SLC25A53: variants seen among roughly 807,000 people sequenced by gnomAD.
SLC25A53 encodes mitochondrial carrier triple repeat protein 6.
A neutral mutation model predicts 15.0 loss-of-function variants in SLC25A53; 5 were observed. The ratio of observed to expected loss-of-function variants is 0.33; its 90% CI spans 0.17 to 0.70. The LOEUF (loss-of-function observed/expected upper bound fraction) is 0.70. Ranked by LOEUF, SLC25A53 falls within the 30% of genes least tolerant of loss-of-function variation. The probability of loss-of-function intolerance (pLI) is 0.67; values close to 1 mark genes in which losing one functional copy is unlikely to be tolerated. For missense variants in SLC25A53, 216 were observed against 241.6 expected (o/e 0.89, Z 0.70); for synonymous variants, 95 against 100.0 (o/e 0.95, Z 0.30).
chrX:104,106,058 G>A (rs7890232), intron 1 of SLC25A53, among the ~76,000 whole-genome samples: 5,254 of 111,516 alleles, frequency 0.047, 266 homozygotes, highest in African/African-American at 0.16. Flanking sequence ...CCCTGGCTTC[G>A]GCTCACTGCG....
At chrX:104,106,863 A>C (rs1602483612) in intron 1 of SLC25A53, among the ~76,000 whole-genome samples, 3 of 82,950 alleles carry the variant, frequency 3.6e-5, no homozygotes, top group South Asian at 1.2e-3. Context: ...TCCTATCCCC[A>C]CTGCTCCATC....
At chrX:104,155,503 G>A (rs1556371211) in intron 1 of SLC25A53, among the ~76,000 whole-genome samples, 2 of 111,631 alleles carry the variant, frequency 1.8e-5, no homozygotes, top group Non-Finnish European at 3.8e-5. Flanking sequence ...CACTGACTTA[G>A]ACTGCTATAC....
Position 104,103,143 on chromosome X carries a change from A to T in SLC25A53, c.*1191T>A, listed in dbSNP as rs1220342009. The stretch of plus-strand genomic sequence containing the variant: ...ACAAGAGCGAAACTCCGTCTCAAAA[A>T]AAAAAAAAAGAAAGGGGCATCACAG... On this transcript the variant is annotated 3_prime_UTR_variant, in exon 2 of 2. Coordinates refer to ENST00000594199, the MANE Select transcript of SLC25A53 (RefSeq NM_001012755.5). 2 of 110,807 alleles carry T rather than the reference A, an allele frequency of 1.8e-5. No homozygotes were observed. The highest frequency in any genetic ancestry group is 1.9e-5 in the Non-Finnish European group (1 of 53,217). The allele number at this position is 110,807 out of a possible 1,213,427, so 9.1% of individuals were successfully genotyped here.
At chrX:104,144,391 G>A (rs1343805198) in intron 1 of SLC25A53, among the ~76,000 whole-genome samples, 1 of 111,596 alleles carries the variant, frequency 9.0e-6, no homozygotes, top group East Asian at 2.8e-4. Flanking sequence ...TCAAAATAAA[G>A]GGATGGAGGA....
chrX:104,129,779 G>T (rs2075420432), intron 1 of SLC25A53, among the ~76,000 whole-genome samples: 1 of 104,388 alleles, frequency 9.6e-6, no homozygotes, highest in South Asian at 4.2e-4. Flanking sequence ...ATATATATAA[G>T]AATCAACTAT....
At chrX:104,111,434 A>C (rs1200301307) in intron 1 of SLC25A53, among the ~76,000 whole-genome samples, 2 of 111,265 alleles carry the variant, frequency 1.8e-5, no homozygotes, top group Non-Finnish European at 3.8e-5. Flanking sequence ...TGGGGTCACA[A>C]AGGGCTGTCG....
chrX:104,121,045 A>T (rs1488072610), intron 1 of SLC25A53, among the ~76,000 whole-genome samples: 1 of 112,396 alleles, frequency 8.9e-6, no homozygotes, highest in Non-Finnish European at 1.9e-5. Flanking sequence ...ATTGTTATAT[A>T]TTGCTGGATT....
Position 104,153,763 on chromosome X carries a change from G to C in SLC25A53, c.-32+3115C>G, listed in dbSNP as rs189513183. On this transcript the variant is annotated intron_variant, in intron 1 of 1. Transcript: ENST00000594199. ...AAGTCACTGTGACAAGTACAATGGA[G>C]AAAAACAATTTGCTTTGTTTAGTTC... Among the ~76,000 whole-genome samples, 672 of 112,202 alleles carry C rather than the reference G, an allele frequency of 6.0e-3. 2 individuals are homozygous for C. The highest frequency in any genetic ancestry group is 0.015 in the South Asian group (41 of 2,732).
intron 1 of SLC25A53, among the ~76,000 whole-genome samples, chrX:104,140,006 T>C (rs1841496356): frequency 8.9e-6 from 1 of 112,727 alleles, no homozygotes; most frequent in African/African-American, 3.2e-5. Flanking sequence ...ACCAAAGAGA[T>C]AAAGTAAGTT....
intron 1 of SLC25A53, chrX:104,115,882 GAA>G (rs1217803353): frequency 8.2e-6 from 1 of 121,782 alleles, no homozygotes; most frequent in Non-Finnish European, 1.9e-5. Flanking sequence ...GAAAGATAAA[GAA>G]AAATGAAACT....
Position 104,103,674 on chromosome X carries a change from T to A in SLC25A53, c.*660A>T, listed in dbSNP as rs782406719. 1 of 112,132 alleles carries A rather than the reference T, an allele frequency of 8.9e-6. No individual in the cohort carries two copies. Among genetic ancestry groups the A allele is most frequent in the Non-Finnish European group, 1.9e-5 (1 of 53,305 alleles). 9.2% of individuals were successfully genotyped at this position (112,132 alleles called of 1,213,427 possible). On this transcript the variant is annotated 3_prime_UTR_variant, in exon 2 of 2. Transcript: ENST00000594199. ...TTCTATTTTGCATGTAATTAAATCTTTTCTTTCAAAGTTTTTATTCTTTCC... is the reference window on the plus strand; with the variant it reads ...TTCTATTTTGCATGTAATTAAATCTATTCTTTCAAAGTTTTTATTCTTTCC...
intron 1 of SLC25A53, 54 bp downstream of exon 1, chrX:104,156,824 T>G (rs2075502981): frequency 9.0e-6 from 1 of 111,714 alleles, no homozygotes; most frequent in African/African-American, 3.3e-5. Flanking sequence ...GTTTGCCTGC[T>G]AGGCTGGAAG....
At chrX:104,153,645 A>G (rs782510222) in intron 1 of SLC25A53, among the ~76,000 whole-genome samples, 1 of 111,906 alleles carries the variant, frequency 8.9e-6, no homozygotes, top group African/African-American at 3.3e-5. Context: ...GGAGGTGTGA[A>G]CTCCACTGTA....
At position 104,156,956 on chromosome X, in the gene SLC25A53, C is replaced by A. The variant is rs1370722198; in HGVS notation, c.-110G>T. 8.9e-6 allele frequency: 1 copy of A among 111,873 alleles called. No homozygotes were observed. Among genetic ancestry groups the A allele is most frequent in the Non-Finnish European group, 1.9e-5 (1 of 53,213 alleles). 9.2% of individuals were successfully genotyped at this position (111,873 alleles called of 1,213,427 possible). On this transcript the variant is annotated 5_prime_UTR_variant, in exon 1 of 2. Coordinates refer to ENST00000594199, the MANE Select transcript of SLC25A53 (RefSeq NM_001012755.5). ...CAGAAAGCAGCGACAGTCGCAGTCA[C>A]CGGACCTTCGCCCATCCGCCGCCCT...
At chrX:104,133,391 T>G (rs1355954526) in intron 1 of SLC25A53, among the ~76,000 whole-genome samples, 1 of 111,182 alleles carries the variant, frequency 9.0e-6, no homozygotes, top group African/African-American at 3.3e-5. Context: ...ACTGCAACCA[T>G]GTAAAGATGA....
intron 1 of SLC25A53, among the ~76,000 whole-genome samples, chrX:104,119,332 A>C (rs1315322981): frequency 8.9e-6 from 1 of 112,347 alleles, no homozygotes; most frequent in East Asian, 2.8e-4. Flanking sequence ...AACACAATAC[A>C]TGTTAAACCT....
intron 1 of SLC25A53, among the ~76,000 whole-genome samples, chrX:104,106,306 A>T (rs1294545565): frequency 9.0e-6 from 1 of 111,006 alleles, no homozygotes; most frequent in Non-Finnish European, 1.9e-5. Flanking sequence ...GGATCTAAAG[A>T]AAAAAAATGA....
intron 1 of SLC25A53, among the ~76,000 whole-genome samples, chrX:104,125,543 C>G (rs2075408599): frequency 8.9e-6 from 1 of 112,041 alleles, no homozygotes; most frequent in African/African-American, 3.2e-5. Flanking sequence ...TGGTGCTTTA[C>G]TTGAATTCTC....
At chrX:104,136,297 G>A (rs1798149289) in intron 1 of SLC25A53, among the ~76,000 whole-genome samples, 1 of 111,030 alleles carries the variant, frequency 9.0e-6, no homozygotes, top group African/African-American at 3.3e-5. Context: ...TCCATCATGG[G>A]AGGCATAGCA....
Sources: allele counts gnomAD v4.1 joint callset (sites outside exome capture counted in the v4.1 genomes callset), GRCh38; gene constraint gnomAD v4.1.1; transcripts MANE v1.5; gene names NCBI Gene and HGNC (gene_info 2026-07-23, HGNC 2026-07-21).